The following CAPN8 variants were observed in gnomAD, a reference collection of about 807,000 sequenced individuals.
The protein encoded by CAPN8 is calpain-8.
Under a neutral mutation model 80.9 loss-of-function variants are expected in CAPN8, and 87 were observed. The ratio of observed to expected loss-of-function variants is 1.07; its 90% confidence interval spans 0.90 to 1.28. The LOEUF (loss-of-function observed/expected upper bound fraction) is 1.28. CAPN8 is among the 50% of genes most tolerant of loss of function. The pLI is 0.00. For synonymous variants in CAPN8, 299 were observed against 273.8 expected (o/e 1.09, Z -0.91); for missense variants, 757 against 702.0 (o/e 1.08, Z -0.89).
At chr1:223,647,504 C>A (rs1658222029) in intron 2 of CAPN8, among the ~76,000 whole-genome samples, 2 of 152,112 alleles carry the variant, frequency 1.3e-5, no homozygotes, top group Admixed American at 1.3e-4. Context: ...GCCTTATTGC[C>A]TACCCTCCTT....
chr1:223,553,951 GAA>G, intron 13 of CAPN8, 51 bp from the exon 14 acceptor site: 1 of 398,550 alleles, frequency 2.5e-6, no homozygotes, highest in South Asian at 1.3e-4. Flanking sequence ...CAAGGAGAAT[GAA>G]AGACGAAGAT....
intron 19 of CAPN8, among the ~76,000 whole-genome samples, chr1:223,543,663 C>A (rs1281617394): frequency 2.0e-5 from 3 of 152,060 alleles, no homozygotes; most frequent in African/African-American, 7.2e-5. Flanking sequence ...TCAGAGGGCA[C>A]CCCCCATCCC....
chr1:223,659,145 G>A (rs1658572850), intron 1 of CAPN8, among the ~76,000 whole-genome samples: 1 of 152,192 alleles, frequency 6.6e-6, no homozygotes, highest in African/African-American at 2.4e-5. Context: ...CCAGGCCTAA[G>A]GAAATACAGG....
intron 9 of CAPN8, chr1:223,618,125 CAG>C: frequency 8.7e-7 from 1 of 1,153,908 alleles, no homozygotes; most frequent in East Asian, 2.6e-5. Flanking sequence ...AGTCAATCAA[CAG>C]ATCAACAGCA....
At chr1:223,626,897 C>T in intron 5 of CAPN8, 92 bp downstream of exon 5, 1 of 1,374,706 alleles carries the variant, frequency 7.3e-7, no homozygotes, top group Non-Finnish European at 9.9e-7. Context: ...CAAAGCCTTC[C>T]TAGGCCTCTC....
rs1218382660 is a variant in CAPN8 at position 223,665,668 on chromosome 1, G to C, written c.-22C>G. ...CCATGGCCGTGGGCTCTGTAGGGTGGACAGAAGGGCAGGGCTGCACTGTAC... is the reference window on the plus strand; with the variant it reads ...CCATGGCCGTGGGCTCTGTAGGGTGCACAGAAGGGCAGGGCTGCACTGTAC... On this transcript the variant is annotated 5_prime_UTR_variant, in exon 1 of 21. Transcript: ENST00000366872. 2.6e-6 allele frequency: 4 copies of C among 1,536,764 alleles called. No individual in the cohort carries two copies. Among genetic ancestry groups the C allele is most frequent in the Non-Finnish European group, 3.5e-6 (4 of 1,134,618 alleles).
intron 2 of CAPN8, among the ~76,000 whole-genome samples, chr1:223,633,415 T>C (rs1657828964): frequency 6.7e-6 from 1 of 149,860 alleles, no homozygotes; most frequent in South Asian, 2.1e-4. Context: ...AAAAGAAATG[T>C]ATTTGAGAGG....
intron 19 of CAPN8, among the ~76,000 whole-genome samples, chr1:223,543,608 T>C (rs1656532704): frequency 6.6e-6 from 1 of 152,096 alleles, no homozygotes; most frequent in African/African-American, 2.4e-5. Flanking sequence ...CCTAATAAGA[T>C]ATCTAATCTC....
At chr1:223,547,574 A>G (rs1219597556) in intron 16 of CAPN8, among the ~76,000 whole-genome samples, 1 of 152,232 alleles carries the variant, frequency 6.6e-6, no homozygotes, top group Non-Finnish European at 1.5e-5. Flanking sequence ...CACAAAAGCC[A>G]TTGCCTGATA....
At chr1:223,623,581 A>T (rs68046706) in intron 6 of CAPN8, among the ~76,000 whole-genome samples, 30,651 of 152,104 alleles carry the variant, frequency 0.2, 3,163 homozygotes, top group Middle Eastern at 0.28. Context: ...ACATATACAC[A>T]CACCAACTGT....
At chr1:223,651,796 C>T (rs897790478) in intron 2 of CAPN8, among the ~76,000 whole-genome samples, 11 of 152,156 alleles carry the variant, frequency 7.2e-5, no homozygotes, top group Non-Finnish European at 8.8e-5. Context: ...GGAAAGATCC[C>T]CCAAATACTT....
chr1:223,549,189 T>G, intron 16 of CAPN8, 129 bp downstream of exon 16: 6 of 1,194,092 alleles, frequency 5.0e-6, no homozygotes, highest in Non-Finnish European at 6.9e-6. Context: ...CCTTGACATA[T>G]GCTCCATGCC....
At chr1:223,617,040 A>C (rs1657211773) in intron 9 of CAPN8, 1 of 152,244 alleles carries the variant, frequency 6.6e-6, no homozygotes, top group Non-Finnish European at 1.5e-5. Flanking sequence ...AAATTGCAGA[A>C]GGCACGCCTG....
intron 13 of CAPN8, among the ~76,000 whole-genome samples, chr1:223,554,395 A>T (rs1656861023): frequency 6.6e-6 from 1 of 152,134 alleles, no homozygotes; most frequent in African/African-American, 2.4e-5. Context: ...TGAGGCGGGC[A>T]GGTCACGTAA....
chr1:223,616,107 C>G lies in CAPN8; in HGVS notation c.1174G>C (p.Asp392His), dbSNP rs767869202. 6 of 1,551,686 alleles carry G rather than the reference C, an allele frequency of 3.9e-6. No homozygotes were observed. The highest frequency in any genetic ancestry group is 5.2e-6 in the Non-Finnish European group (6 of 1,146,956). Residue 392 changes from aspartate to histidine, a missense_variant, in exon 10 of 21, where the codon GAT becomes CAT. Physicochemically the swap from Asp to His is moderately conservative, Grantham distance 81. Transcript: ENST00000366872. Reference sequence around the variant, plus strand: ...TCCTCCTGGTCCTCATCCACTTCATCCAAACGGATTTTGAACTGGGGATTG... The same window carrying G: ...TCCTCCTGGTCCTCATCCACTTCATGCAAACGGATTTTGAACTGGGGATTG... ...WTNPQFKIRL[D>H]EVDEDQEESI...
At chr1:223,629,656 A>T (rs1657717731) in intron 2 of CAPN8, among the ~76,000 whole-genome samples, 1 of 152,154 alleles carries the variant, frequency 6.6e-6, no homozygotes, top group Admixed American at 6.5e-5. Flanking sequence ...CCTAGAAGTG[A>T]CGTAACTTTG....
intron 2 of CAPN8, among the ~76,000 whole-genome samples, chr1:223,639,950 G>C (rs1428035183): frequency 1.3e-5 from 2 of 152,206 alleles, no homozygotes; most frequent in Non-Finnish European, 2.9e-5. Context: ...TGTGGAAGCT[G>C]AAGTAAATAC....
At chr1:223,542,911 T>C (rs968216039) in intron 20 of CAPN8, among the ~76,000 whole-genome samples, 197 bp downstream of exon 20, 17 of 152,144 alleles carry the variant, frequency 1.1e-4, no homozygotes, top group Admixed American at 9.2e-4. Flanking sequence ...TTTACGATCA[T>C]AATAATAATA....
chr1:223,647,569 C>T (rs1370298049), intron 2 of CAPN8, among the ~76,000 whole-genome samples: 4 of 152,036 alleles, frequency 2.6e-5, no homozygotes, highest in Non-Finnish European at 5.9e-5. Flanking sequence ...TCCTAAAACC[C>T]TCTTTGGAAA....
Sources: allele counts gnomAD v4.1 joint callset (sites outside exome capture counted in the v4.1 genomes callset), GRCh38; gene constraint gnomAD v4.1.1; transcripts MANE v1.5; gene names NCBI Gene and HGNC (gene_info 2026-07-23, HGNC 2026-07-21).